The following HLCS variants were observed in gnomAD, a reference collection of about 807,000 sequenced individuals.
The protein encoded by HLCS is biotin--protein ligase.
HLCS carries 53 observed loss-of-function variants against 75.0 expected under a neutral mutation model. The observed-to-expected ratio is 0.71, with a 90% CI of 0.57 to 0.89. The LOEUF (loss-of-function observed/expected upper bound fraction) is 0.89. HLCS is among the 40% of genes least tolerant of loss of function. The pLI is 0.00. For synonymous variants in HLCS, 431 were observed against 428.6 expected, an observed-to-expected ratio of 1.01 and a Z score of -0.07; for missense variants, 966 against 1,074.0, an observed-to-expected ratio of 0.90 and a Z score of 1.41.
intron 8 of HLCS, among the ~76,000 whole-genome samples, chr21:36,762,768 C>T (rs2089896763): frequency 6.6e-6 from 1 of 152,192 alleles, no homozygotes; most frequent in Non-Finnish European, 1.5e-5. Flanking sequence ...CAAATTCCCC[C>T]GACCCCGTTC....
Position 36,756,507 on chromosome 21 carries a change from G to A in HLCS, c.2450+35C>T, listed in dbSNP as rs755670854. 3 of 904,846 alleles carry A rather than the reference G, an allele frequency of 3.3e-6. No individual in the cohort carries two copies. In the African/African-American group the frequency reaches 5.0e-5, roughly 15 times the overall value. The allele number at this position is 904,846 out of a possible 1,614,324, so 56.1% of individuals were successfully genotyped here. On this transcript the variant is annotated intron_variant, in intron 10 of 10. Coordinates refer to ENST00000674895, the MANE Select transcript of HLCS (RefSeq NM_001352514.2). ...ACAGAACTACTAAGATACTAATAAA[G>A]GAGTTGAAAAGAATGAAGATGAGCC...
intron 6 of HLCS, among the ~76,000 whole-genome samples, chr21:36,877,887 TA>T (rs1025407242): frequency 7.2e-5 from 11 of 152,180 alleles, no homozygotes; most frequent in Non-Finnish European, 1.6e-4. Context: ...TTGAGCCCTC[TA>T]AAAATATTGT....
At chr21:36,931,445 T>C (rs1041848913) in intron 4 of HLCS, among the ~76,000 whole-genome samples, 1 of 152,028 alleles carries the variant, frequency 6.6e-6, no homozygotes, top group Admixed American at 6.6e-5. Flanking sequence ...GCGTTATTCA[T>C]CATTTTAAGA....
chr21:36,962,537 T>C (rs2068355795), intron 1 of HLCS, among the ~76,000 whole-genome samples: 1 of 152,096 alleles, frequency 6.6e-6, no homozygotes, highest in East Asian at 1.9e-4. Flanking sequence ...CCTGTAATCC[T>C]AGCACTTTGG....
In HLCS at chr21:36,756,624, C is replaced by T. The variant is rs866644112; in HGVS notation, c.2368G>A (p.Val790Met). 5 of 1,614,086 alleles carry T rather than the reference C, an allele frequency of 3.1e-6. No individual in the cohort carries two copies. The highest frequency in any genetic ancestry group is 3.3e-5 in the Admixed American group (2 of 60,008). Residue 790 changes from valine to methionine, a missense_variant, in exon 10 of 11, where the codon GTG (valine) becomes ATG (methionine). Coordinates refer to ENST00000674895, the MANE Select transcript of HLCS (RefSeq NM_001352514.2). ...AACTCTTTGATCAGTTTCTCCAGCA[C>T]AGTCACGACTCTGGCGATGAGATAA... ...ADYLIARVVT[V>M]LEKLIKEFQD...
intron 2 of HLCS, chr21:36,946,130 C>T (rs1172574483): frequency 2.1e-5 from 21 of 984,910 alleles, no homozygotes; most frequent in Non-Finnish European, 2.5e-5. Context: ...GAAACCACAT[C>T]ATCCCTAGTG....
At chr21:36,775,888 A>T (rs2060343487) in intron 6 of HLCS, among the ~76,000 whole-genome samples, 1 of 152,202 alleles carries the variant, frequency 6.6e-6, no homozygotes, top group African/African-American at 2.4e-5. Context: ...GGCACCAGGT[A>T]GATGTTTCAA....
intron 1 of HLCS, among the ~76,000 whole-genome samples, chr21:36,977,737 T>C (rs1027308389): frequency 4.6e-5 from 7 of 152,150 alleles, no homozygotes; most frequent in African/African-American, 1.7e-4. Context: ...ATGCACACAT[T>C]CAGTGGCCAT....
intron 6 of HLCS, among the ~76,000 whole-genome samples, chr21:36,889,535 C>T (rs1362566228): frequency 6.6e-6 from 1 of 152,192 alleles, no homozygotes; most frequent in East Asian, 1.9e-4. Flanking sequence ...ATGGAATGTG[C>T]CACACACCCA....
At chr21:36,898,446 CAAAAAAAA>C (rs58625493) in intron 5 of HLCS, among the ~76,000 whole-genome samples, 1 of 49,538 alleles carries the variant, frequency 2.0e-5, no homozygotes, top group African/African-American at 8.7e-5. Flanking sequence ...AACTCCATCT[CAAAAAAAA>C]AAAAAAAAAA....
intron 6 of HLCS, among the ~76,000 whole-genome samples, chr21:36,843,377 C>T (rs1335033946): frequency 1.3e-5 from 2 of 152,090 alleles, no homozygotes; most frequent in Non-Finnish European, 2.9e-5. Context: ...AGTCGAGACT[C>T]CAGTGAGCCA....
chr21:36,904,619 T>C (rs2146367197), intron 5 of HLCS, among the ~76,000 whole-genome samples: 1 of 152,316 alleles, frequency 6.6e-6, no homozygotes, highest in South Asian at 2.1e-4. Flanking sequence ...AGGAAGCATT[T>C]AGCCTCCCCC....
intron 2 of HLCS, among the ~76,000 whole-genome samples, chr21:36,951,799 A>G (rs114864301): frequency 2.9e-4 from 44 of 152,386 alleles, no homozygotes; most frequent in East Asian, 1.2e-3. Context: ...AATTGCTAAT[A>G]TAAGTATAGA....
intron 6 of HLCS, among the ~76,000 whole-genome samples, chr21:36,893,445 C>G (rs888222341): frequency 6.6e-6 from 1 of 152,116 alleles, no homozygotes; most frequent in African/African-American, 2.4e-5. Flanking sequence ...ACCTAGAATT[C>G]TACACACTGG....
chr21:36,832,830 A>C (rs2146056684), intron 6 of HLCS, among the ~76,000 whole-genome samples: 1 of 152,348 alleles, frequency 6.6e-6, no homozygotes, highest in Middle Eastern at 3.4e-3. Context: ...TGTTCCCTCC[A>C]AAGGCAGCCC....
chr21:36,903,441 C>A (rs552707649), intron 5 of HLCS, among the ~76,000 whole-genome samples: 2 of 152,254 alleles, frequency 1.3e-5, no homozygotes, highest in South Asian at 4.1e-4. Flanking sequence ...CACCAGGTCA[C>A]CACACAGGCT....
chr21:36,807,683 T>A (rs1204749109), intron 6 of HLCS, among the ~76,000 whole-genome samples: 1 of 152,202 alleles, frequency 6.6e-6, no homozygotes, highest in South Asian at 2.1e-4. Context: ...TGGCACTTTA[T>A]GTTCATCACC....
intron 6 of HLCS, among the ~76,000 whole-genome samples, chr21:36,814,326 A>G (rs2061597549): frequency 1.3e-5 from 2 of 152,216 alleles, no homozygotes; most frequent in African/African-American, 2.4e-5. Context: ...GGGCTATACT[A>G]TCATTTTCTT....
chr21:36,771,249 T>TAAATAAATAC (rs1369792062), intron 6 of HLCS, among the ~76,000 whole-genome samples: 1 of 134,852 alleles, frequency 7.4e-6, no homozygotes, highest in Non-Finnish European at 1.6e-5. Flanking sequence ...TAAATAAATA[T>TAAATAAATAC]AAAATAAAAT....
Sources: allele counts gnomAD v4.1 joint callset (sites outside exome capture counted in the v4.1 genomes callset), GRCh38; gene constraint gnomAD v4.1.1; transcripts MANE v1.5; gene names NCBI Gene and HGNC (gene_info 2026-07-23, HGNC 2026-07-21).